Variants in CACNA1C observed in about 807,000 individuals in gnomAD.
CACNA1C encodes the protein calcium voltage-gated channel subunit alpha1 C, also known as voltage-dependent L-type calcium channel subunit alpha-1C.
CACNA1C carries 30 observed loss-of-function variants against 229.0 expected under a neutral mutation model. The ratio of observed to expected loss-of-function variants is 0.13; its 90% CI spans 0.10 to 0.18. The LOEUF (loss-of-function observed/expected upper bound fraction) is 0.18. Among genes scored for constraint, CACNA1C ranks in the 10% least tolerant of loss-of-function variants. CACNA1C has a pLI of 1.00. For synonymous variants in CACNA1C, 1,114 were observed against 1,132.5 expected, an observed-to-expected ratio of 0.98 and a Z score of 0.33; for missense variants, 1,658 against 2,845.0, an observed-to-expected ratio of 0.58 and a Z score of 9.49.
At position 2,682,634 on chromosome 12, in the gene CACNA1C, T is replaced by C. The variant is rs371831239; in HGVS notation, c.5529T>C (p.His1843=). ...AGACCTATGAAGTGAAGATGAACCATGACACGGAGGCCTGCAGTGAGCCCA... is the reference window on the plus strand; with the variant it reads ...AGACCTATGAAGTGAAGATGAACCACGACACGGAGGCCTGCAGTGAGCCCA... ...QDETYEVKMN[H]DTEACSEPSL... Residue 1843 remains histidine, a synonymous_variant, in exon 43 of 47, where the codon CAT becomes CAC. Transcript: ENST00000399655. The C allele has an allele frequency of 1.2e-4, 189 of 1,612,300 alleles. No homozygotes were observed. In the Middle Eastern group the frequency reaches 2.3e-3, roughly 20 times the overall value.
In CACNA1C at chr12:2,320,514, C is replaced by T. The variant is rs7301207; in HGVS notation, c.478-128462C>T. On this transcript the variant is annotated intron_variant, in intron 3 of 46. Coordinates refer to ENST00000399655, the MANE Select transcript of CACNA1C (RefSeq NM_000719.7). ...AGCAGAATGTACACGTGATTAATCA[C>T]CCTCTGCCCCCGCTCCTCCATTTAC... 8.9e-3 allele frequency among the ~76,000 whole-genome samples: 1,363 copies of T among 152,294 alleles called. 26 individuals carry two copies. The highest frequency in any genetic ancestry group is 0.031 in the African/African-American group (1,299 of 41,550).
intron 1 of CACNA1C, chr12:1,998,048 A>C (rs141515017): frequency 5.2e-6 from 7 of 1,353,870 alleles, no homozygotes; most frequent in African/African-American, 3.0e-5. Flanking sequence ...ACAAATTCTC[A>C]TAGAATAGGA....
chr12:2,011,170 AAAG>A (rs1469064593), intron 1 of CACNA1C: 17 of 150,806 alleles, frequency 1.1e-4, no homozygotes, highest in Non-Finnish European at 1.9e-4. Context: ...AAAAAAAAAA[AAAG>A]AAAGGGAAAA....
chr12:2,241,446 A>G (rs1369094936), intron 3 of CACNA1C, among the ~76,000 whole-genome samples: 1 of 152,022 alleles, frequency 6.6e-6, no homozygotes, highest in African/African-American at 2.4e-5. Flanking sequence ...TGTGGCAAGC[A>G]GAGGAGAGCA....
rs777931035 is a variant in CACNA1C, at chr12:2,484,176, A to G, written c.758-1928A>G. 5.8e-4 allele frequency among the ~76,000 whole-genome samples: 88 copies of G among 152,252 alleles called. 1 individual carries two copies. The highest frequency in any genetic ancestry group is 3.2e-3 in the Middle Eastern group (1 of 316). On this transcript the variant is annotated intron_variant, in intron 5 of 46. Coordinates refer to ENST00000399655, the MANE Select transcript of CACNA1C (RefSeq NM_000719.7). ...CTCCAGAGGATAGAAAATAGTTCCA[A>G]GAAGACATAAAGGAAACGTTTCTGG...
intron 5 of CACNA1C, among the ~76,000 whole-genome samples, chr12:2,481,709 A>G (rs1264739616): frequency 1.3e-5 from 2 of 152,250 alleles, no homozygotes; most frequent in Non-Finnish European, 2.9e-5. Context: ...CAAATTTTCC[A>G]GTAGAGCTCT....
intron 11 of CACNA1C, among the ~76,000 whole-genome samples, chr12:2,565,202 C>T (rs549119506): frequency 2.2e-4 from 34 of 152,188 alleles, no homozygotes; most frequent in Admixed American, 9.2e-4. Flanking sequence ...GGCGCGGTGG[C>T]TCACGCCTGT....
intron 3 of CACNA1C, among the ~76,000 whole-genome samples, chr12:2,437,809 G>GGTGGTGGTGGTA (rs1567676022): frequency 9.2e-5 from 14 of 151,566 alleles, no homozygotes; most frequent in South Asian, 2.1e-4. Flanking sequence ...GGATGGTGAT[G>GGTGGTGGTGGTA]ATGGTGGTGG....
chr12:2,450,538 A>G (rs1300103522), intron 4 of CACNA1C, among the ~76,000 whole-genome samples: 1 of 110,052 alleles, frequency 9.1e-6, no homozygotes, highest in Non-Finnish European at 1.7e-5. Context: ...TGGGCAACAG[A>G]GCGAGACTCC....
At chr12:2,276,723 A>G (rs537127900) in intron 3 of CACNA1C, among the ~76,000 whole-genome samples, 2 of 152,344 alleles carry the variant, frequency 1.3e-5, no homozygotes, top group African/African-American at 4.8e-5. Context: ...AGGGTTCCCA[A>G]CAGGATAGTT....
intron 1 of CACNA1C, among the ~76,000 whole-genome samples, chr12:2,084,186 C>G (rs1396718377): frequency 1.3e-5 from 2 of 152,160 alleles, no homozygotes; most frequent in Non-Finnish European, 2.9e-5. Flanking sequence ...GATGACTGAT[C>G]TAGCCCAACT....
intron 3 of CACNA1C, among the ~76,000 whole-genome samples, chr12:2,442,312 C>T (rs567605304): frequency 6.6e-5 from 10 of 152,306 alleles, no homozygotes; most frequent in Non-Finnish European, 1.3e-4. Context: ...TCTCTCTCCA[C>T]TGACCTCTTC....
chr12:2,676,011 T>A (rs1021129104), intron 39 of CACNA1C: 2 of 152,222 alleles, frequency 1.3e-5, no homozygotes, highest in African/African-American at 4.8e-5. Context: ...GATGTTTACA[T>A]ACATCGTTTT....
chr12:2,374,215 G>A (rs1217499517), intron 3 of CACNA1C, among the ~76,000 whole-genome samples: 1 of 152,134 alleles, frequency 6.6e-6, no homozygotes. Flanking sequence ...CCTTCCTCTG[G>A]TCCTGTCATT....
chr12:2,352,108 G>A (rs2097217938), intron 3 of CACNA1C, among the ~76,000 whole-genome samples: 1 of 152,228 alleles, frequency 6.6e-6, no homozygotes, highest in Admixed American at 6.5e-5. Flanking sequence ...TCTGTTTCCA[G>A]TTTGTTCTGT....
At chr12:2,343,353 C>T (rs2154522645) in intron 3 of CACNA1C, among the ~76,000 whole-genome samples, 1 of 152,272 alleles carries the variant, frequency 6.6e-6, no homozygotes, top group African/African-American at 2.4e-5. Flanking sequence ...TTCTCTCTGT[C>T]TGAAGTGTAA....
chr12:2,556,372 A>G (rs1202023176), intron 10 of CACNA1C, among the ~76,000 whole-genome samples: 1 of 152,116 alleles, frequency 6.6e-6, no homozygotes, highest in Non-Finnish European at 1.5e-5. Context: ...CCAGGTCTTC[A>G]GGGCTGCGTG....
intron 3 of CACNA1C, among the ~76,000 whole-genome samples, chr12:2,444,959 T>C (rs1244884439): frequency 6.6e-6 from 1 of 152,156 alleles, no homozygotes; most frequent in Non-Finnish European, 1.5e-5. Context: ...GTCATTCCCA[T>C]TCTCCTCAGA....
intron 7 of CACNA1C, among the ~76,000 whole-genome samples, chr12:2,502,249 C>T (rs1406093904): frequency 1.3e-5 from 2 of 152,234 alleles, no homozygotes; most frequent in Non-Finnish European, 2.9e-5. Context: ...TAGCACATAT[C>T]AGGTTCACTC....
Sources: gnomAD v4.1 joint callset for allele counts (sites outside exome capture counted in the v4.1 genomes callset) on GRCh38, gnomAD v4.1.1 for gene constraint, MANE v1.5 for transcripts, NCBI Gene and HGNC (gene_info 2026-07-23, HGNC 2026-07-21) for gene names.